Variants in GPHN observed in about 807,000 individuals in gnomAD.
GPHN encodes gephyrin.
In GPHN, 17 loss-of-function variants were observed where a neutral mutation model predicts 95.5. The observed-to-expected ratio is 0.18, with a 90% CI of 0.12 to 0.27. GPHN has a LOEUF of 0.27. Among genes scored for constraint, GPHN ranks in the 10% least tolerant of loss-of-function variants. The pLI is 1.00. For missense variants in GPHN, 660 were observed against 978.1 expected (o/e 0.67, Z 4.34); for synonymous variants, 320 against 322.5 (o/e 0.99, Z 0.08).
chr14:67,084,934 A>G (rs555676976), intron 11 of GPHN, among the ~76,000 whole-genome samples: 1 of 152,380 alleles, frequency 6.6e-6, no homozygotes, highest in South Asian at 2.1e-4. Context: ...TCAGAAATAA[A>G]GGTCAATCGC....
At chr14:67,345,994 G>C in the GPHN span, 334 of 663,174 alleles carry the variant, frequency 5.0e-4, no homozygotes, top group Non-Finnish European at 8.0e-4. Context: ...AATCTTCATT[G>C]AATGTAAACA....
At chr14:66,692,614 G>A (rs1170169405) in intron 2 of GPHN, among the ~76,000 whole-genome samples, 3 of 151,740 alleles carry the variant, frequency 2.0e-5, no homozygotes, top group Non-Finnish European at 4.4e-5. Flanking sequence ...TTTTCTTATC[G>A]AACAGTTTTC....
At chr14:67,637,442 A>G in the GPHN span, among the ~76,000 whole-genome samples, 2 of 149,264 alleles carry the variant, frequency 1.3e-5, no homozygotes, top group Non-Finnish European at 3.0e-5. Flanking sequence ...AAGAACTTTA[A>G]TATTACTCAG....
the GPHN span, chr14:67,648,187 T>G: frequency 2.5e-6 from 4 of 1,611,414 alleles, no homozygotes; most frequent in Non-Finnish European, 3.4e-6. Context: ...AATACAGGTA[T>G]GTAGCAACCA....
At chr14:66,873,593 A>G (rs2063531723) in intron 4 of GPHN, among the ~76,000 whole-genome samples, 1 of 152,076 alleles carries the variant, frequency 6.6e-6, no homozygotes. Flanking sequence ...GGCGTCCACC[A>G]TTACTGACGC....
chr14:66,954,001 C>T (rs968475544), intron 8 of GPHN, among the ~76,000 whole-genome samples: 5 of 145,830 alleles, frequency 3.4e-5, no homozygotes, highest in South Asian at 2.1e-4. Context: ...TGCGATTGCA[C>T]GCGAGCCTGG....
At chr14:66,621,712 G>A (rs576969731) in intron 1 of GPHN, among the ~76,000 whole-genome samples, 56 of 152,272 alleles carry the variant, frequency 3.7e-4, no homozygotes, top group African/African-American at 1.2e-3. Flanking sequence ...GTGAGCCACC[G>A]CACCCAGCCG....
At chr14:66,792,731 A>G (rs1595916316) in intron 3 of GPHN, among the ~76,000 whole-genome samples, 1 of 152,222 alleles carries the variant, frequency 6.6e-6, no homozygotes, top group Admixed American at 6.5e-5. Context: ...CAGTGGTGCT[A>G]GAGGAATTAA....
At chr14:66,791,448 C>T (rs2059966384) in intron 3 of GPHN, among the ~76,000 whole-genome samples, 1 of 152,230 alleles carries the variant, frequency 6.6e-6, no homozygotes, top group Non-Finnish European at 1.5e-5. Flanking sequence ...GCAGCATGAG[C>T]TGCTGGTTGG....
At chr14:66,646,607 C>A (rs1213003579) in intron 1 of GPHN, among the ~76,000 whole-genome samples, 8 of 151,916 alleles carry the variant, frequency 5.3e-5, no homozygotes, top group Non-Finnish European at 1.0e-4. Context: ...GGGCGTTATT[C>A]TAAATGAAAT....
At chr14:66,694,372 C>T (rs2067986079) in intron 2 of GPHN, among the ~76,000 whole-genome samples, 1 of 152,150 alleles carries the variant, frequency 6.6e-6, no homozygotes, top group Non-Finnish European at 1.5e-5. Flanking sequence ...TTATCAGCCA[C>T]CCAGTCCATG....
At chr14:66,756,142 G>A (rs1041376632) in intron 2 of GPHN, among the ~76,000 whole-genome samples, 1 of 152,064 alleles carries the variant, frequency 6.6e-6, no homozygotes, top group African/African-American at 2.4e-5. Flanking sequence ...TCATGAATTT[G>A]AATGTTTTGC....
chr14:66,928,434 G>A (rs1159699661), intron 8 of GPHN, among the ~76,000 whole-genome samples: 3 of 152,030 alleles, frequency 2.0e-5, no homozygotes, highest in African/African-American at 7.2e-5. Context: ...TTTGGCTAAA[G>A]ATTTGGCAAT....
chr14:66,732,830 C>T (rs1205011087), intron 2 of GPHN, among the ~76,000 whole-genome samples: 2 of 152,098 alleles, frequency 1.3e-5, no homozygotes, highest in Non-Finnish European at 2.9e-5. Context: ...TTTTATTTTA[C>T]CTGCTTATAG....
intron 2 of GPHN, among the ~76,000 whole-genome samples, chr14:66,741,564 T>C (rs1040355201): frequency 4.6e-5 from 7 of 152,212 alleles, no homozygotes; most frequent in Admixed American, 1.3e-4. Flanking sequence ...TGTAAGTTGT[T>C]GTCTTTGGGC....
At chr14:67,491,997 A>C in the GPHN span, among the ~76,000 whole-genome samples, 10 of 152,210 alleles carry the variant, frequency 6.6e-5, no homozygotes, top group East Asian at 1.7e-3. Context: ...TGAGCTTGGA[A>C]GCTGCATTGC....
At chr14:66,884,753 A>G (rs914616497) in intron 5 of GPHN, among the ~76,000 whole-genome samples, 2 of 151,478 alleles carry the variant, frequency 1.3e-5, no homozygotes, top group Non-Finnish European at 2.9e-5. Flanking sequence ...CATAGCTGAT[A>G]GAAATGTTAT....
intron 3 of GPHN, among the ~76,000 whole-genome samples, chr14:66,777,761 C>A (rs1205230239): frequency 6.6e-6 from 1 of 152,136 alleles, no homozygotes; most frequent in African/African-American, 2.4e-5. Context: ...AGGCCTTTGA[C>A]AAAATTCAAC....
chr14:66,751,862 A>C (rs1461721340), intron 2 of GPHN, among the ~76,000 whole-genome samples: 2 of 152,008 alleles, frequency 1.3e-5, no homozygotes, highest in Admixed American at 1.3e-4. Context: ...TCCTCTCTCT[A>C]TGTGAAAGTC....
Sources: gnomAD v4.1 joint callset for allele counts (sites outside exome capture counted in the v4.1 genomes callset) on GRCh38, gnomAD v4.1.1 for gene constraint, MANE v1.5 for transcripts, NCBI Gene and HGNC (gene_info 2026-07-23, HGNC 2026-07-21) for gene names.